Variants in CBX5 observed in about 807,000 individuals in gnomAD.
The protein encoded by CBX5 is chromobox protein homolog 5.
CBX5 carries 7 observed loss-of-function variants against 20.7 expected under a neutral mutation model. The ratio of observed to expected loss-of-function variants is 0.34; its 90% CI spans 0.19 to 0.63. CBX5 has a LOEUF of 0.63. Ranked by LOEUF, CBX5 falls within the 30% of genes least tolerant of loss-of-function variation. The probability of loss-of-function intolerance (pLI) is 0.75; values close to 1 mark genes in which losing one functional copy is unlikely to be tolerated. For missense variants in CBX5, 110 were observed against 224.1 expected, an observed-to-expected ratio of 0.49 and a Z score of 3.25; for synonymous variants, 78 against 77.0, an observed-to-expected ratio of 1.01 and a Z score of -0.07.
intron 1 of CBX5, chr12:54,274,112 T>C (rs151193794): frequency 6.6e-6 from 1 of 152,250 alleles, no homozygotes; most frequent in South Asian, 2.1e-4. Context: ...TAGGTTTTTC[T>C]GCAAACATGC....
intron 1 of CBX5, chr12:54,263,065 G>A (rs1048474761): frequency 2.0e-5 from 3 of 152,378 alleles, no homozygotes; most frequent in African/African-American, 7.2e-5. Flanking sequence ...AAGGCCCATT[G>A]AGATGAGAAA....
rs944248811 is a variant in CBX5 at position 54,231,015 on chromosome 12, G to C, written c.*10740C>G. ...AGGGGGAAAAGAGGAGGGTAGAAGAGGGGGAGAGAATGAGGTCTGCATCAG... is the reference window on the plus strand; with the variant it reads ...AGGGGGAAAAGAGGAGGGTAGAAGACGGGGAGAGAATGAGGTCTGCATCAG... On this transcript the variant is annotated 3_prime_UTR_variant, in exon 5 of 5. Transcript: ENST00000209875. 3.3e-5 allele frequency: 5 copies of C among 152,164 alleles called. No homozygotes were observed. The highest frequency in any genetic ancestry group is 6.5e-5 in the Admixed American group (1 of 15,274). The allele number at this position is 152,164 out of a possible 1,614,324, so 9.4% of individuals were successfully genotyped here. A position where few individuals can be genotyped will look rare whatever the true frequency, so the allele number is the denominator to read the frequency against.
In CBX5 at chr12:54,237,964, G is replaced by A. The variant is rs966733511; in HGVS notation, c.*3791C>T. On this transcript the variant is annotated 3_prime_UTR_variant, in exon 5 of 5. Coordinates refer to ENST00000209875, the MANE Select transcript of CBX5 (RefSeq NM_012117.3). ...TCCAGCACTTTGGGAGGCCAAGGTGGGCAGATCACAAGGTCAGGAAATCGA... is the reference window on the plus strand; with the variant it reads ...TCCAGCACTTTGGGAGGCCAAGGTGAGCAGATCACAAGGTCAGGAAATCGA... 1.3e-5 allele frequency: 2 copies of A among 152,144 alleles called. No homozygotes were observed. The highest frequency in any genetic ancestry group is 2.9e-5 in the Non-Finnish European group (2 of 68,054). 9.4% of individuals were successfully genotyped at this position (152,144 alleles called of 1,614,324 possible).
intron 2 of CBX5, among the ~76,000 whole-genome samples, chr12:54,254,542 C>T (rs968570046): frequency 6.6e-6 from 1 of 151,600 alleles, no homozygotes; most frequent in Non-Finnish European, 1.5e-5. Context: ...TCCTTTATAT[C>T]CCTTCTCTCA....
chr12:54,252,422 CTTAT>C (rs1943815912), intron 2 of CBX5, 195 bp from the exon 3 acceptor site: 4 of 462,018 alleles, frequency 8.7e-6, no homozygotes, highest in Admixed American at 4.4e-5. Flanking sequence ...CACACAAAGA[CTTAT>C]TTACAATTGT....
rs1943600260 is a variant in CBX5, at chr12:54,234,483, A to G, written c.*7272T>C. The G allele has an allele frequency of 6.6e-6, 1 of 152,204 alleles. No homozygotes were observed. The highest frequency in any genetic ancestry group is 2.4e-5 in the African/African-American group (1 of 41,450). The allele number at this position is 152,204 out of a possible 1,614,324, so 9.4% of individuals were successfully genotyped here. ...CAGGGGACATCACAAAAAAATAGAG[A>G]ATGCCAAGATAAAAAGTTCACTGCA... On this transcript the variant is annotated 3_prime_UTR_variant, in exon 5 of 5. Coordinates refer to ENST00000209875, the MANE Select transcript of CBX5 (RefSeq NM_012117.3).
chr12:54,264,575 G>C (rs1439387401), intron 1 of CBX5, among the ~76,000 whole-genome samples: 1 of 152,224 alleles, frequency 6.6e-6, no homozygotes, highest in Non-Finnish European at 1.5e-5. Context: ...GGGCGCAGTG[G>C]CTCATGCCTG....
intron 3 of CBX5, among the ~76,000 whole-genome samples, chr12:54,246,555 G>A (rs1438166204): frequency 2.6e-5 from 4 of 152,072 alleles, no homozygotes; most frequent in Non-Finnish European, 5.9e-5. Flanking sequence ...GCCAAGGCAG[G>A]CGAATCACAA....
chr12:54,267,524 T>C (rs1272735761), intron 1 of CBX5, among the ~76,000 whole-genome samples: 1 of 152,066 alleles, frequency 6.6e-6, no homozygotes, highest in East Asian at 1.9e-4. Flanking sequence ...TCTTTTTTTT[T>C]TTTTTGAGAC....
At chr12:54,260,177 A>C (rs1002352749) in intron 1 of CBX5, among the ~76,000 whole-genome samples, 4 of 151,916 alleles carry the variant, frequency 2.6e-5, no homozygotes, top group Non-Finnish European at 4.4e-5. Context: ...AAAAAAAAAA[A>C]AAACCCCTTT....
At chr12:54,260,004 C>T (rs1200970912) in intron 1 of CBX5, among the ~76,000 whole-genome samples, 1 of 151,972 alleles carries the variant, frequency 6.6e-6, no homozygotes, top group Non-Finnish European at 1.5e-5. Context: ...CCCATTTTAC[C>T]GTCTGTCACA....
chr12:54,254,254 C>T (rs1423493410), intron 2 of CBX5, among the ~76,000 whole-genome samples: 3 of 146,010 alleles, frequency 2.1e-5, no homozygotes, highest in East Asian at 4.2e-4. Context: ...CACTTGAACC[C>T]GGGAGGCAGG....
intron 4 of CBX5, among the ~76,000 whole-genome samples, chr12:54,244,312 T>G (rs367871077): frequency 2.0e-5 from 3 of 151,650 alleles, no homozygotes; most frequent in Non-Finnish European, 4.4e-5. Flanking sequence ...ACGCCCGGCC[T>G]TGATTATACA....
In CBX5 at chr12:54,232,223, C is replaced by T. The variant is rs1267223739; in HGVS notation, c.*9532G>A. 2 of 152,064 alleles carry T rather than the reference C, an allele frequency of 1.3e-5. No individual in the cohort carries two copies. Among genetic ancestry groups the T allele is most frequent in the Non-Finnish European group, 2.9e-5 (2 of 68,024 alleles). 9.4% of individuals were successfully genotyped at this position (152,064 alleles called of 1,614,324 possible). ...TAAGTAAGTCTGGACTAGTAAGATTCCAACATTCATGAAAACACTGTCAAC... is the reference window on the plus strand; with the variant it reads ...TAAGTAAGTCTGGACTAGTAAGATTTCAACATTCATGAAAACACTGTCAAC... On this transcript the variant is annotated 3_prime_UTR_variant, in exon 5 of 5. Coordinates refer to ENST00000209875, the MANE Select transcript of CBX5 (RefSeq NM_012117.3).
Position 54,234,209 on chromosome 12 carries a change from T to C in CBX5, c.*7546A>G, listed in dbSNP as rs1225570133. On this transcript the variant is annotated 3_prime_UTR_variant, in exon 5 of 5. Transcript: ENST00000209875. ...AAAAAAAAAAAAAAAAAAAAAAAGG[T>C]TCAATATGGATACTCTAGGTACAGG... 1.2e-4 allele frequency: 16 copies of C among 130,858 alleles called. No homozygotes were observed. Among genetic ancestry groups the C allele is most frequent in the African/African-American group, 4.7e-4 (16 of 34,002 alleles). The allele number at this position is 130,858 out of a possible 1,614,324, so 8.1% of individuals were successfully genotyped here. A position where few individuals can be genotyped will look rare whatever the true frequency, so the allele number is the denominator to read the frequency against.
In CBX5 at chr12:54,234,006, C is replaced by G. The variant is rs1247333448; in HGVS notation, c.*7749G>C. The G allele has an allele frequency of 6.6e-6, 1 of 151,426 alleles. No homozygotes were observed. The highest frequency in any genetic ancestry group is 2.4e-5 in the African/African-American group (1 of 41,086). The allele number at this position is 151,426 out of a possible 1,614,324, so 9.4% of individuals were successfully genotyped here. Reference sequence around the variant, plus strand: ...GACCAGCACGGCCAAGATGGTGAACCCTGTCTCTACTAAAAATACAAAAAT... The same window carrying G: ...GACCAGCACGGCCAAGATGGTGAACGCTGTCTCTACTAAAAATACAAAAAT... On this transcript the variant is annotated 3_prime_UTR_variant, in exon 5 of 5. Coordinates refer to ENST00000209875, the MANE Select transcript of CBX5 (RefSeq NM_012117.3).
At chr12:54,279,982 G>A (rs2137037523) in intron 1 of CBX5, 26 bp downstream of exon 1, 1 of 152,902 alleles carries the variant, frequency 6.5e-6, no homozygotes, top group African/African-American at 2.4e-5. Flanking sequence ...ACCTACTATG[G>A]GTAGATAAGA....
At position 54,240,135 on chromosome 12, in the gene CBX5, C is replaced by A. The variant is rs1341740231; in HGVS notation, c.*1620G>T. On this transcript the variant is annotated 3_prime_UTR_variant, in exon 5 of 5. Coordinates refer to ENST00000209875, the MANE Select transcript of CBX5 (RefSeq NM_012117.3). ...TCAGCTTTGGGGCTGGGACAAGGAT[C>A]CTCAAAACCCTGCTATTTCCTTACT... The A allele has an allele frequency of 6.6e-6, 1 of 152,186 alleles. No individual in the cohort carries two copies. Among genetic ancestry groups the A allele is most frequent in the Non-Finnish European group, 1.5e-5 (1 of 68,038 alleles). 9.4% of individuals were successfully genotyped at this position (152,186 alleles called of 1,614,324 possible).
chr12:54,266,322 TG>T (rs1943955979), intron 1 of CBX5, among the ~76,000 whole-genome samples: 1 of 151,834 alleles, frequency 6.6e-6, no homozygotes, highest in African/African-American at 2.4e-5. Context: ...TGCTGGAACC[TG>T]GGAAGTAGAG....
Sources: gnomAD v4.1 joint callset for allele counts (sites outside exome capture counted in the v4.1 genomes callset) on GRCh38, gnomAD v4.1.1 for gene constraint, MANE v1.5 for transcripts, NCBI Gene and HGNC (gene_info 2026-07-23, HGNC 2026-07-21) for gene names.